The following PCED1B variants were observed in gnomAD, a reference collection of about 807,000 sequenced individuals.
PCED1B encodes the protein PC-esterase domain-containing protein 1B.
For synonymous variants in PCED1B, 251 were observed against 246.1 expected (o/e 1.02, Z -0.19); for missense variants, 573 against 573.9 (o/e 1.00, Z 0.02).
intron 2 of PCED1B, among the ~76,000 whole-genome samples, chr12:47,117,884 A>G (rs966620127): frequency 2.2e-4 from 33 of 152,048 alleles, no homozygotes; most frequent in African/African-American, 6.5e-4. Flanking sequence ...TTTAATGATC[A>G]CCATTCTAAC....
At chr12:47,081,601 G>T (rs530029505) in intron 1 of PCED1B, among the ~76,000 whole-genome samples, 3 of 152,312 alleles carry the variant, frequency 2.0e-5, no homozygotes, top group African/African-American at 7.2e-5. Flanking sequence ...GGCAGAAGTT[G>T]AGATTTTCTA....
intron 2 of PCED1B, among the ~76,000 whole-genome samples, chr12:47,170,421 G>T (rs1941688633): frequency 6.6e-6 from 1 of 152,230 alleles, no homozygotes; most frequent in South Asian, 2.1e-4. Context: ...CTCCCAGACG[G>T]GGTGGCGGCT....
At chr12:47,083,963 C>T (rs1476504697) in intron 1 of PCED1B, among the ~76,000 whole-genome samples, 2 of 152,082 alleles carry the variant, frequency 1.3e-5, no homozygotes, top group Non-Finnish European at 2.9e-5. Flanking sequence ...TAAAATTCAC[C>T]ATTGTAACAA....
At chr12:47,197,967 A>G (rs929312713) in intron 2 of PCED1B, among the ~76,000 whole-genome samples, 4 of 152,226 alleles carry the variant, frequency 2.6e-5, no homozygotes, top group South Asian at 4.1e-4. Flanking sequence ...CTGAACATTT[A>G]AGGAAGAAGT....
At chr12:47,080,834 T>TTC (rs1474974057) in intron 1 of PCED1B, among the ~76,000 whole-genome samples, 9 of 152,056 alleles carry the variant, frequency 5.9e-5, no homozygotes, top group East Asian at 3.9e-4. Context: ...TTCTCTTTCG[T>TTC]TCTCTCTCTC....
At chr12:47,210,999 A>G (rs1032612414) in intron 2 of PCED1B, among the ~76,000 whole-genome samples, 1 of 152,248 alleles carries the variant, frequency 6.6e-6, no homozygotes, top group African/African-American at 2.4e-5. Flanking sequence ...TCGTATATGC[A>G]AAGCAAATAT....
chr12:47,169,050 C>T lies in PCED1B; in HGVS notation c.-525-47172C>T, dbSNP rs74086808. Among the ~76,000 whole-genome samples, 340 of 152,182 alleles carry T rather than the reference C, an allele frequency of 2.2e-3. 3 individuals are homozygous for T. The highest frequency in any genetic ancestry group is 7.8e-3 in the African/African-American group (325 of 41,494). On this transcript the variant is annotated intron_variant, in intron 2 of 3. Transcript: ENST00000546455. The stretch of plus-strand genomic sequence containing the variant: ...TATCTTCTCACTTCTAGGTTGTTTG[C>T]TGGGGCTGTAAGATACAGATTAACA...
chr12:47,201,941 G>A (rs1278077001), intron 2 of PCED1B, among the ~76,000 whole-genome samples: 1 of 152,190 alleles, frequency 6.6e-6, no homozygotes, highest in African/African-American at 2.4e-5. Flanking sequence ...GGAGTGGTAT[G>A]TGTAAACCTG....
intron 2 of PCED1B, among the ~76,000 whole-genome samples, chr12:47,202,618 AAG>A (rs1942800153): frequency 2.0e-5 from 3 of 150,106 alleles, no homozygotes; most frequent in East Asian, 2.0e-4. Context: ...AAAAAAAAAA[AAG>A]AAAAAAGAAA....
intron 1 of PCED1B, among the ~76,000 whole-genome samples, chr12:47,096,263 G>A (rs2137196652): frequency 6.6e-6 from 1 of 152,082 alleles, no homozygotes; most frequent in Admixed American, 6.5e-5. Context: ...GAGATTATCT[G>A]TATCTTATAT....
intron 2 of PCED1B, among the ~76,000 whole-genome samples, chr12:47,105,051 C>G (rs1938884431): frequency 6.6e-6 from 1 of 152,206 alleles, no homozygotes; most frequent in Non-Finnish European, 1.5e-5. Context: ...TAAGGAAATC[C>G]AAGCCCCATT....
intron 2 of PCED1B, among the ~76,000 whole-genome samples, chr12:47,208,057 A>G (rs1352298232): frequency 6.6e-6 from 1 of 151,804 alleles, no homozygotes; most frequent in Non-Finnish European, 1.5e-5. Flanking sequence ...TTTCCTGAGC[A>G]GTGTAAACAA....
At chr12:47,095,924 T>A (rs1027450536) in intron 1 of PCED1B, among the ~76,000 whole-genome samples, 1 of 152,206 alleles carries the variant, frequency 6.6e-6, no homozygotes, top group Non-Finnish European at 1.5e-5. Context: ...GGTTTTTTTT[T>A]ACTCTGTCTC....
At chr12:47,087,469 A>G (rs1448071404) in intron 1 of PCED1B, among the ~76,000 whole-genome samples, 1 of 152,244 alleles carries the variant, frequency 6.6e-6, no homozygotes, top group African/African-American at 2.4e-5. Context: ...AAGGTCAGCC[A>G]TAATTTAAAT....
chr12:47,148,703 A>G (rs1940882220), intron 2 of PCED1B, among the ~76,000 whole-genome samples: 1 of 152,202 alleles, frequency 6.6e-6, no homozygotes, highest in Admixed American at 6.5e-5. Context: ...GTTGTTCACC[A>G]CAAAGGAAAG....
At position 47,233,199 on chromosome 12, in the gene PCED1B, G is replaced by A. The variant is rs562801073; in HGVS notation, c.-57-1808G>A. Among the ~76,000 whole-genome samples the A allele has an allele frequency of 1.3e-4, 19 of 150,934 alleles. No homozygotes were observed. In the East Asian group the frequency reaches 3.7e-3, roughly 29 times the overall value. Reference sequence around the variant, plus strand: ...TGGGTTTGCAGGCGTGAGCTGCCGCGCCCACCACAATTTTTGGCACGATCT... The same window carrying A: ...TGGGTTTGCAGGCGTGAGCTGCCGCACCCACCACAATTTTTGGCACGATCT... On this transcript the variant is annotated intron_variant, in intron 3 of 3. Coordinates refer to ENST00000546455, the MANE Select transcript of PCED1B (RefSeq NM_138371.3).
At chr12:47,098,133 T>G (rs1006314209) in intron 1 of PCED1B, among the ~76,000 whole-genome samples, 2 of 152,204 alleles carry the variant, frequency 1.3e-5, no homozygotes, top group African/African-American at 2.4e-5. Flanking sequence ...CAGTCGCTGC[T>G]GGAAAGGACA....
chr12:47,198,764 A>G (rs1353569955), intron 2 of PCED1B, among the ~76,000 whole-genome samples: 1 of 152,140 alleles, frequency 6.6e-6, no homozygotes, highest in Admixed American at 6.5e-5. Context: ...CAGGAGTTTG[A>G]GACCAGCCCG....
intron 2 of PCED1B, chr12:47,135,491 G>A (rs1483388389): frequency 1.3e-5 from 6 of 456,716 alleles, no homozygotes; most frequent in Admixed American, 5.0e-5. Flanking sequence ...CTGTTCTATC[G>A]AGAGACTTGG....
Sources: gnomAD v4.1 joint callset for allele counts (sites outside exome capture counted in the v4.1 genomes callset) on GRCh38, gnomAD v4.1.1 for gene constraint, MANE v1.5 for transcripts, NCBI Gene and HGNC (gene_info 2026-07-23, HGNC 2026-07-21) for gene names.